The following OSBPL11 variants were observed in gnomAD, a reference collection of about 807,000 sequenced individuals.
OSBPL11 encodes oxysterol binding protein like 11.
In OSBPL11, 33 loss-of-function variants were observed where a neutral mutation model predicts 84.4. That is an observed-to-expected ratio of 0.39 (90% CI 0.30 to 0.52). The LOEUF (loss-of-function observed/expected upper bound fraction) is 0.52. Ranked by LOEUF, OSBPL11 falls within the 20% of genes least tolerant of loss-of-function variation. The probability of loss-of-function intolerance (pLI) is 0.72; values close to 1 mark genes in which losing one functional copy is unlikely to be tolerated. For missense variants in OSBPL11, 736 were observed against 901.1 expected (o/e 0.82, Z 2.35); for synonymous variants, 276 against 310.2 (o/e 0.89, Z 1.16).
chr3:125,551,199 A>C (rs1038153380), intron 9 of OSBPL11, among the ~76,000 whole-genome samples: 10 of 148,084 alleles, frequency 6.8e-5, no homozygotes, highest in African/African-American at 1.7e-4. Flanking sequence ...AATTAAATTA[A>C]ATTAAAAAAA....
At chr3:125,585,610 A>T (rs1332372813) in intron 1 of OSBPL11, among the ~76,000 whole-genome samples, 1 of 151,978 alleles carries the variant, frequency 6.6e-6, no homozygotes, top group Non-Finnish European at 1.5e-5. Context: ...GTTTCAAAAG[A>T]GGCAGAAATT....
intron 5 of OSBPL11, among the ~76,000 whole-genome samples, chr3:125,573,872 C>CA (rs35902125): frequency 0.3 from 12,519 of 42,270 alleles, 1,813 homozygotes; most frequent in African/African-American, 0.44. Context: ...AACTCCGTCT[C>CA]AAAAAAAAAA....
chr3:125,556,845 TAG>T (rs1349555268), intron 8 of OSBPL11, among the ~76,000 whole-genome samples: 1 of 152,120 alleles, frequency 6.6e-6, no homozygotes, highest in African/African-American at 2.4e-5. Flanking sequence ...GAGGAAAAAG[TAG>T]AGGACTATAA....
At chr3:125,542,898 G>A (rs139725995) in intron 10 of OSBPL11, among the ~76,000 whole-genome samples, 7,135 of 152,136 alleles carry the variant, frequency 0.047, 290 homozygotes, top group Non-Finnish European at 0.06. Flanking sequence ...GCCTGTTTTG[G>A]CCTCCCAAAG....
intron 2 of OSBPL11, among the ~76,000 whole-genome samples, chr3:125,582,252 T>A: frequency 6.6e-6 from 1 of 151,762 alleles, no homozygotes; most frequent in African/African-American, 2.4e-5. Context: ...GAAGAATCAC[T>A]TGAACCCCGG....
At position 125,580,028 on chromosome 3, in the gene OSBPL11, TA is replaced by T; in HGVS notation, c.245del (p.Leu82Ter). ...ACTCCAACAGCCCAGCTTCATTGTT[TA>T]AAACAAAAAACCTGTAATGATTTTT... Reference protein sequence around the residue: ...VTGWQYRFFVLNNEAGLLEYF... With the variant: ...VTGWQYRFFVXNNEAGLLEYF... On this transcript the variant is annotated frameshift_variant, in exon 3 of 13. Transcript: ENST00000296220. LOFTEE classifies it high-confidence loss of function. 1 of 1,605,298 alleles carries T rather than the reference TA, an allele frequency of 6.2e-7. No individual in the cohort carries two copies. The highest frequency in any genetic ancestry group is 8.5e-7 in the Non-Finnish European group (1 of 1,177,642).
chr3:125,590,105 AAT>A (rs1936574484), intron 1 of OSBPL11, among the ~76,000 whole-genome samples: 1 of 152,240 alleles, frequency 6.6e-6, no homozygotes, highest in Non-Finnish European at 1.5e-5. Flanking sequence ...ATAAAGTGTG[AAT>A]ATTCACTATG....
Position 125,538,499 on chromosome 3 carries a change from G to T in OSBPL11, c.1976C>A (p.Thr659Lys). ...KYVDLTKLAV[T>K]KKRVRPLEKQ... ...CTCCAGAGGTCTCACTCTTTTCTTC[G>T]TCACTGCCAATTTAGTCAAGTCCAC... Residue 659 changes from threonine to lysine, a missense_variant, in exon 11 of 13, where the codon ACG becomes AAG. By Grantham distance (78) the Thr-to-Lys change is moderately conservative. Around this residue, in one of 3 missense-constraint regions of OSBPL11, gnomAD observed 579 missense variants for 717.6 expected, o/e 0.81. Coordinates refer to ENST00000296220, the MANE Select transcript of OSBPL11 (RefSeq NM_022776.5). 1 of 1,613,984 alleles carries T rather than the reference G, an allele frequency of 6.2e-7. No individual in the cohort carries two copies. The highest frequency in any genetic ancestry group is 1.1e-5 in the South Asian group (1 of 91,064).
At chr3:125,559,960 T>C (rs915023746) in intron 8 of OSBPL11, among the ~76,000 whole-genome samples, 2 of 150,034 alleles carry the variant, frequency 1.3e-5, no homozygotes, top group African/African-American at 4.9e-5. Flanking sequence ...AAAATAAAAA[T>C]CACAAAAAAT....
At position 125,567,602 on chromosome 3, in the gene OSBPL11, A is replaced by T; in HGVS notation, c.667-7T>A. ...CTTCAGCATGAGACATCATCTAAGG[A>T]AAAAACAGTTCTGTGGGTCCTACTC... On this transcript the variant is annotated splice_polypyrimidine_tract_variant and splice_region_variant and intron_variant, in intron 5 of 12. Transcript: ENST00000296220. 6.2e-7 allele frequency: 1 copy of T among 1,610,476 alleles called. No homozygotes were observed. Among genetic ancestry groups the T allele is most frequent in the Non-Finnish European group, 8.5e-7 (1 of 1,176,764 alleles).
chr3:125,547,496 C>T lies in OSBPL11; in HGVS notation c.1751G>A (p.Gly584Asp), dbSNP rs1935837645. The T allele has an allele frequency of 1.2e-6, 2 of 1,614,052 alleles. No individual in the cohort carries two copies. The highest frequency in any genetic ancestry group is 8.5e-7 in the Non-Finnish European group (1 of 1,179,964). The change falls in exon 10 of 13, where the codon GGT (glycine) becomes GAT (aspartate). Residue 584 changes from glycine (G) to aspartate (D), a missense_variant. Around this residue, in one of 3 missense-constraint regions of OSBPL11, gnomAD observed 579 missense variants for 717.6 expected, o/e 0.81. Coordinates refer to ENST00000296220, the MANE Select transcript of OSBPL11 (RefSeq NM_022776.5). ...TGCACAGTTGACACTGACTTTGCCA[C>T]CCAGTTCTACCCAAGGAACAGTCAA... ...SILTVPWVEL[G>D]GKVSVNCAKT...
chr3:125,592,066 T>TTTAC (rs5852459), intron 1 of OSBPL11, among the ~76,000 whole-genome samples: 85,711 of 151,666 alleles, frequency 0.57, 26,077 homozygotes, highest in African/African-American at 0.81. Flanking sequence ...CAACTATTTA[T>TTTAC]TTAACTATTT....
chr3:125,540,841 G>C (rs1935719669), intron 10 of OSBPL11, among the ~76,000 whole-genome samples: 1 of 152,194 alleles, frequency 6.6e-6, no homozygotes, highest in South Asian at 2.1e-4. Context: ...AGAGAAGTGG[G>C]GCAGGGGACA....
intron 8 of OSBPL11, 47 bp downstream of exon 8, chr3:125,560,332 G>A (rs1936057096): frequency 1.5e-6 from 2 of 1,349,988 alleles, no homozygotes; most frequent in East Asian, 5.4e-5. Context: ...AACAATTACT[G>A]GTACAGCCCT....
At chr3:125,566,791 T>C (rs950205826) in intron 6 of OSBPL11, among the ~76,000 whole-genome samples, 1 of 151,592 alleles carries the variant, frequency 6.6e-6, no homozygotes, top group African/African-American at 2.4e-5. Context: ...TATATATATA[T>C]ATATTTTTTT....
chr3:125,539,293 C>A, intron 10 of OSBPL11, among the ~76,000 whole-genome samples: 1 of 100,540 alleles, frequency 9.9e-6, no homozygotes, highest in African/African-American at 4.2e-5. Context: ...TGAAGAGTCA[C>A]CACAGCCATA....
chr3:125,541,475 T>C (rs906727201), intron 10 of OSBPL11, among the ~76,000 whole-genome samples: 2 of 152,252 alleles, frequency 1.3e-5, no homozygotes, highest in African/African-American at 2.4e-5. Flanking sequence ...TAAAATATGC[T>C]GGGCATTTTA....
At chr3:125,533,250 C>T (rs1179588954) in intron 11 of OSBPL11, among the ~76,000 whole-genome samples, 3 of 139,040 alleles carry the variant, frequency 2.2e-5, no homozygotes, top group Admixed American at 1.5e-4. Flanking sequence ...CTCGTCTCTT[C>T]TCTTTTTTCT....
intron 11 of OSBPL11, among the ~76,000 whole-genome samples, chr3:125,535,907 C>A (rs909328917): frequency 4.6e-5 from 7 of 151,258 alleles, no homozygotes; most frequent in African/African-American, 7.3e-5. Context: ...CCGAGGTGGG[C>A]GGATCACCTG....
Sources: allele counts gnomAD v4.1 joint callset (sites outside exome capture counted in the v4.1 genomes callset), GRCh38; gene constraint gnomAD v4.1.1; regional missense constraint gnomAD v4.1.1; transcripts MANE v1.5; gene names NCBI Gene and HGNC (gene_info 2026-07-23, HGNC 2026-07-21).